The following BCR variants were observed in gnomAD, a reference collection of about 807,000 sequenced individuals.
BCR encodes the protein breakpoint cluster region protein.
A neutral mutation model predicts 138.6 loss-of-function variants in BCR; 58 were observed. The ratio of observed to expected loss-of-function variants is 0.42; its 90% CI spans 0.34 to 0.52. The LOEUF is 0.52. Ranked by LOEUF, BCR falls within the 20% of genes least tolerant of loss-of-function variation. The probability of loss-of-function intolerance (pLI) is 0.06; values close to 1 mark genes in which losing one functional copy is unlikely to be tolerated. For missense variants in BCR, 1,599 were observed against 1,727.2 expected, an observed-to-expected ratio of 0.93 and a Z score of 1.32; for synonymous variants, 786 against 730.1, an observed-to-expected ratio of 1.08 and a Z score of -1.23.
chr22:23,302,661 G>A (rs941365317), intron 16 of BCR: 4 of 152,258 alleles, frequency 2.6e-5, no homozygotes, highest in Admixed American at 6.5e-5. Context: ...AGTGTCCACG[G>A]GGGAGAAAGA....
chr22:23,233,064 T>C (rs1568945606), intron 1 of BCR, among the ~76,000 whole-genome samples: 1 of 152,224 alleles, frequency 6.6e-6, no homozygotes, highest in Non-Finnish European at 1.5e-5. Flanking sequence ...TCCAGACAAT[T>C]GGGATCCTGT....
intron 1 of BCR, among the ~76,000 whole-genome samples, chr22:23,184,421 T>G (rs2072312666): frequency 1.3e-5 from 2 of 152,302 alleles, no homozygotes; most frequent in South Asian, 4.2e-4. Context: ...TAAGGTCACT[T>G]AAACATTTTT....
At chr22:23,252,516 C>A (rs2073242965) in intron 1 of BCR, among the ~76,000 whole-genome samples, 1 of 150,346 alleles carries the variant, frequency 6.7e-6, no homozygotes, top group African/African-American at 2.5e-5. Flanking sequence ...CTGCAACCTC[C>A]ACCTCCCAGG....
chr22:23,282,033 G>T (rs1568971486), intron 8 of BCR, among the ~76,000 whole-genome samples: 1 of 152,204 alleles, frequency 6.6e-6, no homozygotes, highest in Non-Finnish European at 1.5e-5. Context: ...CACTGCCTTT[G>T]TATGGAGAAG....
chr22:23,253,551 A>G (rs986678685), intron 1 of BCR, among the ~76,000 whole-genome samples: 3 of 152,010 alleles, frequency 2.0e-5, no homozygotes, highest in Non-Finnish European at 2.9e-5. Flanking sequence ...TTAAGTCACA[A>G]CCCCCTGCCA....
chr22:23,276,075 G>A (rs938608958), intron 8 of BCR, among the ~76,000 whole-genome samples: 3 of 152,124 alleles, frequency 2.0e-5, no homozygotes, highest in African/African-American at 4.8e-5. Context: ...GTCATGTCTC[G>A]GGGCCACCAA....
At chr22:23,200,031 T>C (rs2072533332) in intron 1 of BCR, among the ~76,000 whole-genome samples, 1 of 148,910 alleles carries the variant, frequency 6.7e-6, no homozygotes, top group Non-Finnish European at 1.5e-5. Context: ...GAGCTTGCAG[T>C]GAGCCAAGAT....
intron 2 of BCR, among the ~76,000 whole-genome samples, chr22:23,255,692 A>C (rs2073286244): frequency 6.6e-6 from 1 of 152,116 alleles, no homozygotes; most frequent in Non-Finnish European, 1.5e-5. Context: ...CCTCCCACCC[A>C]CACCTGGCTC....
chr22:23,193,807 G>C (rs993771805), intron 1 of BCR, among the ~76,000 whole-genome samples: 8 of 152,202 alleles, frequency 5.3e-5, no homozygotes, highest in African/African-American at 1.9e-4. Flanking sequence ...GGAGTGACAG[G>C]AACCCTCTTA....
chr22:23,281,766 C>T (rs896453420), intron 8 of BCR, among the ~76,000 whole-genome samples: 2 of 152,188 alleles, frequency 1.3e-5, no homozygotes, highest in Non-Finnish European at 2.9e-5. Flanking sequence ...GCCTGCAGCC[C>T]GCACCCCAGA....
At chr22:23,225,967 C>T (rs532793557) in intron 1 of BCR, among the ~76,000 whole-genome samples, 1 of 152,324 alleles carries the variant, frequency 6.6e-6, no homozygotes, top group Non-Finnish European at 1.5e-5. Context: ...TAAAAGTAGG[C>T]GAGTGAAAAG....
At chr22:23,276,445 A>G (rs1368315030) in intron 8 of BCR, among the ~76,000 whole-genome samples, 2 of 150,008 alleles carry the variant, frequency 1.3e-5, no homozygotes, top group Non-Finnish European at 3.0e-5. Context: ...TCACAAAGGC[A>G]GGGGCCTGGA....
rs537636662 is a variant in BCR, at chr22:23,203,019, A to G, written c.1279+20780A>G. Among the ~76,000 whole-genome samples the G allele has an allele frequency of 2.6e-5, 4 of 151,958 alleles. No individual in the cohort carries two copies. In the South Asian group the frequency reaches 8.3e-4, roughly 32 times the overall value. The stretch of plus-strand genomic sequence containing the variant: ...ACTACAGATGCACATCACTACACTC[A>G]TCTGTCGTTTTTTTTCTTTTTGTAG... On this transcript the variant is annotated intron_variant, in intron 1 of 22. Coordinates refer to ENST00000305877, the MANE Select transcript of BCR (RefSeq NM_004327.4).
At position 23,181,055 on chromosome 22, in the gene BCR, A is replaced by G. The variant is rs1317800552; in HGVS notation, c.95A>G (p.Glu32Gly). ...RMELRSVGDIEQELERCKASI... is the reference protein window; with the variant it reads ...RMELRSVGDIGQELERCKASI... ...GAGCTGCGCTCAGTGGGCGACATCGAGCAGGAGCTGGAGCGCTGCAAGGCC... is the reference window on the plus strand; with the variant it reads ...GAGCTGCGCTCAGTGGGCGACATCGGGCAGGAGCTGGAGCGCTGCAAGGCC... Residue 32 changes from glutamate to glycine, a missense_variant, in exon 1 of 23, where the codon GAG becomes GGG. By Grantham distance (98) the Glu-to-Gly change is moderately conservative. Coordinates refer to ENST00000305877, the MANE Select transcript of BCR (RefSeq NM_004327.4). 2 of 1,520,866 alleles carry G rather than the reference A, an allele frequency of 1.3e-6. No homozygotes were observed. The highest frequency in any genetic ancestry group is 1.2e-5 in the South Asian group (1 of 81,896). The allele number at this position is 1,520,866 out of a possible 1,614,324, so 94.2% of individuals were successfully genotyped here.
intron 2 of BCR, among the ~76,000 whole-genome samples, chr22:23,255,295 C>A (rs747021849): frequency 1.3e-4 from 20 of 152,194 alleles, no homozygotes; most frequent in Admixed American, 3.9e-4. Context: ...GCAGCACACA[C>A]AGGCTGCTGC....
At chr22:23,257,471 T>C (rs1247025685) in intron 2 of BCR, among the ~76,000 whole-genome samples, 1 of 152,240 alleles carries the variant, frequency 6.6e-6, no homozygotes, top group African/African-American at 2.4e-5. Context: ...CCCTGGGCCC[T>C]ACAGGCCGCC....
chr22:23,237,061 C>T (rs909638755), intron 1 of BCR, among the ~76,000 whole-genome samples: 3 of 152,230 alleles, frequency 2.0e-5, no homozygotes, highest in Non-Finnish European at 2.9e-5. Flanking sequence ...TGCCACGGTT[C>T]TCCCAGGATC....
chr22:23,273,863 C>G (rs909991012), intron 8 of BCR, 89 bp downstream of exon 8: 12 of 1,554,986 alleles, frequency 7.7e-6, no homozygotes, highest in Non-Finnish European at 1.1e-5. Flanking sequence ...GGAGCCCTTC[C>G]TGGTCCTCAG....
intron 13 of BCR, 156 bp from the exon 14 acceptor site, chr22:23,290,183 A>T: frequency 1.4e-6 from 1 of 725,766 alleles, no homozygotes; most frequent in Non-Finnish European, 2.5e-6. Flanking sequence ...AATCATGATG[A>T]GTATGTTTTT....
Sources: allele counts gnomAD v4.1 joint callset (sites outside exome capture counted in the v4.1 genomes callset), GRCh38; gene constraint gnomAD v4.1.1; transcripts MANE v1.5; gene names NCBI Gene and HGNC (gene_info 2026-07-23, HGNC 2026-07-21).